Variants in TMTC2 observed in about 807,000 individuals in gnomAD.
The protein encoded by TMTC2 is transmembrane O-mannosyltransferase targeting cadherins 2, also known as protein O-mannosyl-transferase TMTC2.
In TMTC2, 43 loss-of-function variants were observed where a neutral mutation model predicts 82.4. The ratio of observed to expected loss-of-function variants is 0.52; its 90% CI spans 0.41 to 0.67. TMTC2 has a LOEUF of 0.67. Ranked by LOEUF, TMTC2 falls within the 30% of genes least tolerant of loss-of-function variation. The pLI, the probability that TMTC2 is intolerant of heterozygous loss-of-function variation, is 0.00. For synonymous variants in TMTC2, 408 were observed against 381.9 expected (o/e 1.07, Z -0.80); for missense variants, 919 against 1,012.4 (o/e 0.91, Z 1.25).
chr12:82,703,438 A>G (rs1349884350), intron 1 of TMTC2, among the ~76,000 whole-genome samples: 2 of 152,020 alleles, frequency 1.3e-5, no homozygotes, highest in African/African-American at 4.8e-5. Flanking sequence ...AAAATTGGAT[A>G]AACTTTTTCT....
At chr12:82,804,012 T>A (rs1332378699) in intron 1 of TMTC2, among the ~76,000 whole-genome samples, 1 of 152,070 alleles carries the variant, frequency 6.6e-6, no homozygotes, top group Non-Finnish European at 1.5e-5. Flanking sequence ...CCCTATGGAT[T>A]CATCTCCGGC....
At chr12:82,744,295 A>C (rs1875567790) in intron 1 of TMTC2, among the ~76,000 whole-genome samples, 1 of 152,136 alleles carries the variant, frequency 6.6e-6, no homozygotes, top group Admixed American at 6.5e-5. Flanking sequence ...GTAGTGGCAC[A>C]TGCCGTAGTC....
In TMTC2 at chr12:82,971,930, G is replaced by A. The variant is rs140493674; in HGVS notation, c.1948+4933G>A. ...AACTTTCTGGGAGATTTCACAGTTG[G>A]TCCAGAGCTCTTTAGGGCCTCTCTG... On this transcript the variant is annotated intron_variant, in intron 7 of 11. Transcript: ENST00000321196. Among the ~76,000 whole-genome samples, 86 of 152,196 alleles carry A rather than the reference G, an allele frequency of 5.7e-4. 2 individuals carry two copies. Among genetic ancestry groups the A allele is most frequent in the Non-Finnish European group, 2.9e-4 (20 of 67,974 alleles).
At chr12:83,025,911 C>A (rs1339803952) in intron 8 of TMTC2, among the ~76,000 whole-genome samples, 1 of 152,128 alleles carries the variant, frequency 6.6e-6, no homozygotes. Context: ...GAACTTCTGC[C>A]CTGCTGGAAT....
intron 11 of TMTC2, among the ~76,000 whole-genome samples, chr12:83,085,966 T>C (rs1025910766): frequency 6.6e-5 from 10 of 152,218 alleles, no homozygotes; most frequent in African/African-American, 2.4e-4. Context: ...TGCCTTTGTG[T>C]AATAAAGTGA....
At chr12:82,846,986 C>G (rs1444822587) in intron 1 of TMTC2, among the ~76,000 whole-genome samples, 3 of 152,068 alleles carry the variant, frequency 2.0e-5, no homozygotes, top group Non-Finnish European at 4.4e-5. Flanking sequence ...AACACTGCCC[C>G]TAACAACCCA....
rs77380460 is a variant in TMTC2, at chr12:82,835,637, G to A, written c.84-21373G>A. 9.8e-3 allele frequency among the ~76,000 whole-genome samples: 1,487 copies of A among 152,220 alleles called. 34 individuals carry two copies. The highest frequency in any genetic ancestry group is 0.034 in the African/African-American group (1,425 of 41,526). ...TCAACATTTTTTTCTTAAATTAGGCGTTCTTTGCAATCTGATTTTTATTTA... is the reference window on the plus strand; with the variant it reads ...TCAACATTTTTTTCTTAAATTAGGCATTCTTTGCAATCTGATTTTTATTTA... On this transcript the variant is annotated intron_variant, in intron 1 of 11. Transcript: ENST00000321196.
At chr12:83,125,322 C>T (rs1179648317) in intron 11 of TMTC2, among the ~76,000 whole-genome samples, 3 of 152,144 alleles carry the variant, frequency 2.0e-5, no homozygotes, top group African/African-American at 7.2e-5. Context: ...GGTAGGCAGT[C>T]GTATTTAGGA....
intron 1 of TMTC2, among the ~76,000 whole-genome samples, chr12:82,805,528 G>C: frequency 1.3e-5 from 1 of 77,294 alleles, no homozygotes; most frequent in South Asian, 4.7e-4. Context: ...TTTTTTTTGA[G>C]ACAGAGTCTT....
chr12:82,909,544 G>T (rs1874509565), intron 3 of TMTC2, among the ~76,000 whole-genome samples: 1 of 152,184 alleles, frequency 6.6e-6, no homozygotes, highest in East Asian at 1.9e-4. Context: ...GTTTCACCAT[G>T]TTAGCCAGGA....
chr12:83,038,957 G>T, intron 9 of TMTC2, among the ~76,000 whole-genome samples: 1 of 127,820 alleles, frequency 7.8e-6, no homozygotes, highest in South Asian at 2.7e-4. Context: ...TTGAGATGGA[G>T]TCTCACTCTT....
At chr12:83,090,523 C>T (rs187991885) in intron 11 of TMTC2, among the ~76,000 whole-genome samples, 60 of 152,210 alleles carry the variant, frequency 3.9e-4, no homozygotes, top group African/African-American at 6.5e-4. Context: ...TCCTGAATTC[C>T]GAGAGTTTAT....
chr12:82,789,398 TAAAAC>T (rs1311639894), intron 1 of TMTC2, among the ~76,000 whole-genome samples: 2 of 152,108 alleles, frequency 1.3e-5, no homozygotes, highest in African/African-American at 4.8e-5. Context: ...AAGAAACATT[TAAAAC>T]AATATAAGCA....
chr12:82,715,179 A>T (rs1873835719), intron 1 of TMTC2, among the ~76,000 whole-genome samples: 1 of 151,884 alleles, frequency 6.6e-6, no homozygotes, highest in Non-Finnish European at 1.5e-5. Flanking sequence ...GCTGAGGCAG[A>T]GAATTGCTTG....
intron 1 of TMTC2, among the ~76,000 whole-genome samples, chr12:82,740,075 G>A (rs898333002): frequency 2.6e-5 from 4 of 152,090 alleles, no homozygotes; most frequent in African/African-American, 9.7e-5. Flanking sequence ...ACTATCAATT[G>A]AATATATATT....
chr12:83,082,100 C>T (rs941935230), intron 11 of TMTC2, among the ~76,000 whole-genome samples: 3 of 152,058 alleles, frequency 2.0e-5, no homozygotes, highest in Non-Finnish European at 4.4e-5. Flanking sequence ...TTAATTTGTT[C>T]GATTGTAGTA....
chr12:83,126,456 G>T (rs138171079), intron 11 of TMTC2, among the ~76,000 whole-genome samples: 1 of 151,942 alleles, frequency 6.6e-6, no homozygotes, highest in Non-Finnish European at 1.5e-5. Context: ...TTAGTCATAC[G>T]TTTCTTTATT....
chr12:82,750,714 T>G (rs1275051085), intron 1 of TMTC2, among the ~76,000 whole-genome samples: 2 of 152,190 alleles, frequency 1.3e-5, no homozygotes, highest in Admixed American at 6.5e-5. Flanking sequence ...AAGTGCTTTA[T>G]AGGTATTATT....
intron 11 of TMTC2, among the ~76,000 whole-genome samples, chr12:83,110,729 C>G (rs1884571992): frequency 6.6e-6 from 1 of 152,174 alleles, no homozygotes; most frequent in South Asian, 2.1e-4. Context: ...TGTGGTTTAC[C>G]CACTTGGCTG....
Sources: gnomAD v4.1 joint callset for allele counts (sites outside exome capture counted in the v4.1 genomes callset) on GRCh38, gnomAD v4.1.1 for gene constraint, MANE v1.5 for transcripts, NCBI Gene and HGNC (gene_info 2026-07-23, HGNC 2026-07-21) for gene names.